Variants in EPS8 observed in about 807,000 individuals in gnomAD.
EPS8 encodes EGFR pathway substrate 8, signaling adaptor.
In EPS8, 42 loss-of-function variants were observed where a neutral mutation model predicts 103.8. The ratio of observed to expected loss-of-function variants is 0.40; its 90% confidence interval spans 0.32 to 0.52. The LOEUF is 0.52. Ranked by LOEUF, EPS8 falls within the 20% of genes least tolerant of loss-of-function variation. The pLI, the probability that EPS8 is intolerant of heterozygous loss-of-function variation, is 0.40. For missense variants in EPS8, 969 were observed against 1,005.1 expected (o/e 0.96, Z 0.49); for synonymous variants, 344 against 344.6 (o/e 1.00, Z 0.02).
chr12:15,682,259 C>T (rs982440589), intron 2 of EPS8, among the ~76,000 whole-genome samples: 1 of 152,102 alleles, frequency 6.6e-6, no homozygotes, highest in South Asian at 2.1e-4. Flanking sequence ...CTTTTAGCAT[C>T]ATGATTAAGA....
At chr12:15,782,129 T>C (rs1159717330) in intron 1 of EPS8, 1 of 152,174 alleles carries the variant, frequency 6.6e-6, no homozygotes, top group Non-Finnish European at 1.5e-5. Flanking sequence ...TTGAACTACA[T>C]GGGTCCACTT....
chr12:15,661,267 A>C (rs1421288634), intron 9 of EPS8, among the ~76,000 whole-genome samples: 1 of 152,186 alleles, frequency 6.6e-6, no homozygotes, highest in Non-Finnish European at 1.5e-5. Flanking sequence ...GAATTTGATT[A>C]TCTTATATAC....
intron 13 of EPS8, among the ~76,000 whole-genome samples, chr12:15,651,754 T>G (rs1565480285): frequency 6.6e-6 from 1 of 152,230 alleles, no homozygotes; most frequent in Non-Finnish European, 1.5e-5. Flanking sequence ...GTTATAGTTC[T>G]ACTATGATGA....
intron 1 of EPS8, among the ~76,000 whole-genome samples, chr12:15,740,652 T>C (rs946662635): frequency 2.0e-5 from 3 of 152,056 alleles, no homozygotes; most frequent in African/African-American, 7.2e-5. Context: ...GTCATATAGA[T>C]TTAATGCTAA....
At position 15,728,843 on chromosome 12, in the gene EPS8, G is replaced by A. The variant is rs1369627996; in HGVS notation, c.-21-45871C>T. Among the ~76,000 whole-genome samples, 1 of 152,174 alleles carries A rather than the reference G, an allele frequency of 6.6e-6. No individual in the cohort carries two copies. The highest frequency in any genetic ancestry group is 1.9e-4 in the East Asian group (1 of 5,178). On this transcript the variant is annotated intron_variant, in intron 1 of 20. Coordinates refer to ENST00000281172, the MANE Select transcript of EPS8 (RefSeq NM_004447.6). This position sits in a 1 kb window ranked among gnomAD's most constrained non-coding sequence, Gnocchi z 4.5. The stretch of plus-strand genomic sequence containing the variant: ...TCAAGCCAATAAAAATGGGCTAAAG[G>A]ACACTGTTAAGAAAATGAAAAGACA...
chr12:15,634,906 G>A, intron 17 of EPS8: 1 of 391,382 alleles, frequency 2.6e-6, no homozygotes, highest in Non-Finnish European at 4.5e-6. Flanking sequence ...CAATCAACCA[G>A]TGAAGGAGCC....
At position 15,716,410 on chromosome 12, in the gene EPS8, AT is replaced by A. The variant is rs1307574657; in HGVS notation, c.-21-33439del. Among the ~76,000 whole-genome samples the A allele has an allele frequency of 6.6e-6, 1 of 152,180 alleles. No individual in the cohort carries two copies. The highest frequency in any genetic ancestry group is 1.5e-5 in the Non-Finnish European group (1 of 68,036). On this transcript the variant is annotated intron_variant, in intron 1 of 20. Transcript: ENST00000281172. This position sits in a 1 kb window ranked among gnomAD's most constrained non-coding sequence, Gnocchi z 5.0. Reference sequence around the variant, plus strand: ...AAATCATTGTCCAAATATTAAAAAAATGGCATGGACTGAAACCATCCATAGT... The same window carrying A: ...AAATCATTGTCCAAATATTAAAAAAAGGCATGGACTGAAACCATCCATAGT...
At chr12:15,642,818 G>C (rs1324643086) in intron 15 of EPS8, among the ~76,000 whole-genome samples, 1 of 152,190 alleles carries the variant, frequency 6.6e-6, no homozygotes, top group African/African-American at 2.4e-5. Flanking sequence ...CAGGACAGTT[G>C]TAGACATAAT....
At chr12:15,659,696 T>A (rs571218338) in intron 10 of EPS8, among the ~76,000 whole-genome samples, 2 of 152,214 alleles carry the variant, frequency 1.3e-5, no homozygotes, top group African/African-American at 2.4e-5. Flanking sequence ...ATGAAAGGGA[T>A]ATTTATTTAC....
chr12:15,784,885 C>G lies in EPS8; in HGVS notation c.-22+4276G>C, dbSNP rs1042580978. Among the ~76,000 whole-genome samples the G allele has an allele frequency of 1.3e-5, 2 of 151,974 alleles. No individual in the cohort carries two copies. The highest frequency in any genetic ancestry group is 2.4e-5 in the African/African-American group (1 of 41,394). ...CCAGTCTGGCAAGGCTGTATGATTC[C>G]AATTATACAACATCTGGAAAAGGCA... is the stretch of plus-strand genomic sequence containing the variant. On this transcript the variant is annotated intron_variant, in intron 1 of 20. Transcript: ENST00000281172. This position sits in a 1 kb window ranked among gnomAD's most constrained non-coding sequence, Gnocchi z 4.0.
At chr12:15,788,534 C>G (rs1947333259) in intron 1 of EPS8, among the ~76,000 whole-genome samples, 2 of 152,144 alleles carry the variant, frequency 1.3e-5, no homozygotes, top group Non-Finnish European at 1.5e-5. Flanking sequence ...TGGGGAAACC[C>G]CTTTCAAATG....
Position 15,650,808 on chromosome 12 carries a change from TAA to T in EPS8, c.1434+13_1434+14del, listed in dbSNP as rs750651749. On this transcript the variant is annotated intron_variant, in intron 14 of 20. Transcript: ENST00000281172. ...TTACACTGTCTACAGAGGGCAATGTTAAAAAAAAAACTACCTCTGTGGATAAT... is the reference window on the plus strand; with the variant it reads ...TTACACTGTCTACAGAGGGCAATGTTAAAAAAAACTACCTCTGTGGATAAT... 2.2e-6 allele frequency: 3 copies of T among 1,393,174 alleles called. No individual in the cohort carries two copies. Among genetic ancestry groups the T allele is most frequent in the South Asian group, 1.3e-5 (1 of 76,310 alleles). The allele number at this position is 1,393,174 out of a possible 1,614,324, so 86.3% of individuals were successfully genotyped here.
At chr12:15,742,778 T>C (rs568472585) in intron 1 of EPS8, among the ~76,000 whole-genome samples, 1 of 152,314 alleles carries the variant, frequency 6.6e-6, no homozygotes, top group African/African-American at 2.4e-5. Context: ...AAGAGCTATT[T>C]ATGACAAACA....
chr12:15,690,794 C>T lies in EPS8; in HGVS notation c.-21-7822G>A, dbSNP rs1946160808. On this transcript the variant is annotated intron_variant, in intron 1 of 20. Transcript: ENST00000281172. This position sits in a 1 kb window ranked among gnomAD's most constrained non-coding sequence, Gnocchi z 4.7. The stretch of plus-strand genomic sequence containing the variant: ...CTCAATTCTTAACTGTTCCTTCTTC[C>T]TATTATCCTATGCCTCTTAACATTT... 6.6e-6 allele frequency among the ~76,000 whole-genome samples: 1 copy of T among 152,166 alleles called. No individual in the cohort carries two copies. The highest frequency in any genetic ancestry group is 2.4e-5 in the African/African-American group (1 of 41,448).
At chr12:15,707,980 G>A (rs2135951825) in intron 1 of EPS8, among the ~76,000 whole-genome samples, 1 of 152,220 alleles carries the variant, frequency 6.6e-6, no homozygotes, top group South Asian at 2.1e-4. Flanking sequence ...TTAGGTATGA[G>A]AATGAGTTCC....
intron 1 of EPS8, among the ~76,000 whole-genome samples, chr12:15,788,784 A>G (rs1947336595): frequency 6.6e-6 from 1 of 152,200 alleles, no homozygotes; most frequent in Admixed American, 6.5e-5. Context: ...CCCAAGTCTA[A>G]CGTAATAAGC....
intron 3 of EPS8, among the ~76,000 whole-genome samples, chr12:15,676,302 C>T (rs1157941369): frequency 6.7e-6 from 1 of 148,760 alleles, no homozygotes; most frequent in East Asian, 2.0e-4. Context: ...CAAGTCCCCA[C>T]TTAGAACCTA....
chr12:15,633,513 G>A (rs1176695839), intron 17 of EPS8, among the ~76,000 whole-genome samples: 1 of 152,170 alleles, frequency 6.6e-6, no homozygotes, highest in Non-Finnish European at 1.5e-5. Context: ...ATACTATTGT[G>A]AGAAAGTGAA....
rs996659817 is a variant in EPS8, at chr12:15,640,900, A to G, written c.1678-54T>C. On this transcript the variant is annotated intron_variant, in intron 16 of 20. Transcript: ENST00000281172. ...ATTTCCATATAAAAGCCATTCTACG[A>G]AAGAAGTTCCCTAGACTTCAACAAA... 3.2e-6 allele frequency: 5 copies of G among 1,564,244 alleles called. No individual in the cohort carries two copies. The South Asian group carries it at 5.7e-5, about 18-fold the overall frequency.
Sources: allele counts gnomAD v4.1 joint callset (sites outside exome capture counted in the v4.1 genomes callset), GRCh38; gene constraint gnomAD v4.1.1; non-coding constraint Gnocchi (gnomAD v3.1); transcripts MANE v1.5; gene names NCBI Gene and HGNC (gene_info 2026-07-23, HGNC 2026-07-21).